The following ZBTB7C variants were observed in gnomAD, a reference collection of about 807,000 sequenced individuals.
ZBTB7C encodes the protein zinc finger and BTB domain containing 7C.
In ZBTB7C, 8 loss-of-function variants were observed where a neutral mutation model predicts 25.7. The ratio of observed to expected loss-of-function variants is 0.31; its 90% CI spans 0.18 to 0.56. The LOEUF is 0.56. Ranked by LOEUF, ZBTB7C falls within the 20% of genes least tolerant of loss-of-function variation. The pLI is 0.91. For missense variants in ZBTB7C, 824 were observed against 855.2 expected (o/e 0.96, Z 0.46); for synonymous variants, 394 against 369.0 (o/e 1.07, Z -0.78).
chr18:48,179,306 T>G (rs1038880239), intron 3 of ZBTB7C, among the ~76,000 whole-genome samples: 1 of 152,204 alleles, frequency 6.6e-6, no homozygotes, highest in African/African-American at 2.4e-5. Flanking sequence ...GGATCCTGCA[T>G]GGCTGAGCAA....
At chr18:48,396,012 C>T (rs111776278) in intron 1 of ZBTB7C, among the ~76,000 whole-genome samples, 5 of 152,132 alleles carry the variant, frequency 3.3e-5, no homozygotes, top group African/African-American at 7.2e-5. Flanking sequence ...AGCAAAGCAA[C>T]GGGGGTAGAA....
chr18:48,320,440 G>A lies in ZBTB7C; in HGVS notation c.-79+17734C>T, dbSNP rs576723155. Among the ~76,000 whole-genome samples, 48 of 152,316 alleles carry A rather than the reference G, an allele frequency of 3.2e-4. No homozygotes were observed. The South Asian group carries it at 9.3e-3, about 30-fold the overall frequency. On this transcript the variant is annotated intron_variant, in intron 2 of 4. Transcript: ENST00000590800. ...CACATGTCAGAGGATCCTGCTGTCC[G>A]CTGCGCCTAGGAGAACTGGGGGCAG...
At chr18:48,071,528 G>A (rs1350409671) in intron 3 of ZBTB7C, among the ~76,000 whole-genome samples, 1 of 152,188 alleles carries the variant, frequency 6.6e-6, no homozygotes, top group Non-Finnish European at 1.5e-5. Flanking sequence ...TGGAACCCTT[G>A]TGCCTGACTG....
intron 3 of ZBTB7C, among the ~76,000 whole-genome samples, chr18:48,053,460 G>A (rs1282951315): frequency 6.6e-6 from 1 of 152,118 alleles, no homozygotes; most frequent in Non-Finnish European, 1.5e-5. Context: ...TGTACTCTGG[G>A]TGCCCATTAG....
intron 2 of ZBTB7C, among the ~76,000 whole-genome samples, chr18:48,323,113 C>A (rs1464070913): frequency 2.6e-5 from 4 of 152,092 alleles, no homozygotes. Context: ...CTCGAGTGCA[C>A]CAACATCTCA....
intron 2 of ZBTB7C, among the ~76,000 whole-genome samples, chr18:48,219,940 C>T (rs1198202420): frequency 1.3e-5 from 2 of 152,118 alleles, no homozygotes; most frequent in Non-Finnish European, 2.9e-5. Flanking sequence ...GAGGAGGCCC[C>T]CATGTGTCCT....
At chr18:48,108,522 C>T (rs777282828) in intron 3 of ZBTB7C, among the ~76,000 whole-genome samples, 2 of 152,142 alleles carry the variant, frequency 1.3e-5, no homozygotes, top group African/African-American at 4.8e-5. Context: ...AGCCTCTAAA[C>T]TCCTGGGCTC....
intron 3 of ZBTB7C, among the ~76,000 whole-genome samples, chr18:48,139,226 G>T (rs28658571): frequency 0.042 from 6,363 of 152,208 alleles, 147 homozygotes; most frequent in Middle Eastern, 0.085. Flanking sequence ...AGCTGGCCTG[G>T]TTCAGAGGGT....
At chr18:48,079,705 A>G (rs188262143) in intron 3 of ZBTB7C, among the ~76,000 whole-genome samples, 20 of 152,366 alleles carry the variant, frequency 1.3e-4, no homozygotes, top group African/African-American at 4.6e-4. Context: ...TGCCTTCACA[A>G]AAGAGAAGGG....
At chr18:48,064,376 C>T (rs1159932430) in intron 3 of ZBTB7C, among the ~76,000 whole-genome samples, 1 of 152,238 alleles carries the variant, frequency 6.6e-6, no homozygotes, top group Non-Finnish European at 1.5e-5. Context: ...AATGACTCGT[C>T]TTCTTGGAAG....
At chr18:48,132,709 C>A (rs1174690372) in intron 3 of ZBTB7C, among the ~76,000 whole-genome samples, 1 of 152,182 alleles carries the variant, frequency 6.6e-6, no homozygotes, top group Non-Finnish European at 1.5e-5. Context: ...TTATGGATGG[C>A]AAGTGTCAAC....
intron 1 of ZBTB7C, among the ~76,000 whole-genome samples, chr18:48,395,196 G>C (rs1351276082): frequency 6.6e-6 from 1 of 151,508 alleles, no homozygotes; most frequent in Non-Finnish European, 1.5e-5. Flanking sequence ...CTGAGTTCTG[G>C]CCTCTGTGAC....
intron 3 of ZBTB7C, among the ~76,000 whole-genome samples, chr18:48,134,437 T>C (rs2040084235): frequency 6.6e-6 from 1 of 151,494 alleles, no homozygotes; most frequent in Non-Finnish European, 1.5e-5. Flanking sequence ...GGAAATGGCA[T>C]TGTAAGTGGA....
At chr18:48,320,976 G>A (rs898392583) in intron 2 of ZBTB7C, among the ~76,000 whole-genome samples, 1 of 152,228 alleles carries the variant, frequency 6.6e-6, no homozygotes, top group Non-Finnish European at 1.5e-5. Flanking sequence ...AGGCCTCAAT[G>A]TGGCCAGACT....
chr18:48,115,474 G>A (rs1360763170), intron 3 of ZBTB7C, among the ~76,000 whole-genome samples: 3 of 151,984 alleles, frequency 2.0e-5, no homozygotes, highest in African/African-American at 4.8e-5. Flanking sequence ...TCCTGACCTC[G>A]AGATCCGCCC....
chr18:48,331,065 T>C (rs1442102037), intron 2 of ZBTB7C, among the ~76,000 whole-genome samples: 2 of 152,134 alleles, frequency 1.3e-5, no homozygotes, highest in Non-Finnish European at 2.9e-5. Context: ...CCTCTGAACC[T>C]GAACCACTCA....
At chr18:48,289,858 G>A (rs1204474520) in intron 2 of ZBTB7C, among the ~76,000 whole-genome samples, 1 of 152,148 alleles carries the variant, frequency 6.6e-6, no homozygotes, top group African/African-American at 2.4e-5. Flanking sequence ...CTAGAAGGGT[G>A]CATGTTAGTC....
At chr18:48,103,540 A>G (rs569028808) in intron 3 of ZBTB7C, among the ~76,000 whole-genome samples, 2 of 152,336 alleles carry the variant, frequency 1.3e-5, no homozygotes, top group African/African-American at 2.4e-5. Context: ...AAAATGGATA[A>G]AAAGATATGT....
At chr18:48,350,595 A>G (rs1339842877) in intron 1 of ZBTB7C, 1 of 152,198 alleles carries the variant, frequency 6.6e-6, no homozygotes, top group Non-Finnish European at 1.5e-5. Flanking sequence ...TTTCCTGCCA[A>G]CCACAAATAA....
Sources: gnomAD v4.1 joint callset for allele counts (sites outside exome capture counted in the v4.1 genomes callset) on GRCh38, gnomAD v4.1.1 for gene constraint, MANE v1.5 for transcripts, NCBI Gene and HGNC (gene_info 2026-07-23, HGNC 2026-07-21) for gene names.